The following MAP3K7 variants were observed in gnomAD, a reference collection of about 807,000 sequenced individuals.
MAP3K7 encodes the protein TGF-beta activated kinase 1.
In MAP3K7, 21 loss-of-function variants were observed where a neutral mutation model predicts 84.8. That is an observed-to-expected ratio of 0.25 (90% CI 0.18 to 0.36). The LOEUF (loss-of-function observed/expected upper bound fraction) is 0.36. MAP3K7 is among the 10% of genes least tolerant of loss of function. MAP3K7 has a pLI of 1.00. For synonymous variants in MAP3K7, 241 were observed against 247.7 expected, an observed-to-expected ratio of 0.97 and a Z score of 0.25; for missense variants, 503 against 747.7, an observed-to-expected ratio of 0.67 and a Z score of 3.82.
chr6:90,560,425 G>A (rs1198049369), intron 4 of MAP3K7, among the ~76,000 whole-genome samples: 1 of 152,050 alleles, frequency 6.6e-6, no homozygotes, highest in Admixed American at 6.6e-5. Flanking sequence ...GCAGTGGTGC[G>A]ATCTTGGCTC....
chr6:90,575,145 T>C (rs138364001), intron 1 of MAP3K7, among the ~76,000 whole-genome samples: 258 of 152,210 alleles, frequency 1.7e-3, no homozygotes, highest in Non-Finnish European at 8.8e-4. Context: ...TTTTTAAAAA[T>C]AGCATAAAGG....
At chr6:90,551,132 C>T (rs1226266490) in intron 8 of MAP3K7, 2 of 152,170 alleles carry the variant, frequency 1.3e-5, no homozygotes, top group African/African-American at 4.8e-5. Context: ...ACTACAGAGA[C>T]TAAGTTGTTT....
rs1775382216 is a variant in MAP3K7 at position 90,528,095 on chromosome 6, G to T, written c.1357-4312C>A. On this transcript the variant is annotated intron_variant, in intron 13 of 16. Transcript: ENST00000369329. The stretch of plus-strand genomic sequence containing the variant: ...GGGTTTCACCGTGTTAGCCAGAATG[G>T]TCTCGATCTCCTGACCTCGTGATCC... 1.3e-4 allele frequency among the ~76,000 whole-genome samples: 2 copies of T among 15,982 alleles called. 1 individual carries two copies. Among genetic ancestry groups the T allele is most frequent in the Non-Finnish European group, 2.9e-4 (2 of 6,922 alleles). The allele number at this position is 15,982 out of a possible 152,430, so 10.5% of individuals were successfully genotyped here. A position where few individuals can be genotyped will look rare whatever the true frequency, so the allele number is the denominator to read the frequency against.
rs961308265 is a variant in MAP3K7 at position 90,536,523 on chromosome 6, GA to G, written c.1292-123del. On this transcript the variant is annotated intron_variant, in intron 12 of 16. Transcript: ENST00000369329. Reference sequence around the variant, plus strand: ...TGGATCTACACAAAATGTTTGTGGGGAAAAAAAAGTGAGTTTATTGCTAAGA... The same window carrying G: ...TGGATCTACACAAAATGTTTGTGGGGAAAAAAAGTGAGTTTATTGCTAAGA... The G allele has an allele frequency of 9.4e-5, 57 of 603,324 alleles. 1 individual carries two copies. The highest frequency in any genetic ancestry group is 3.5e-4 in the Middle Eastern group (1 of 2,862). 37.4% of individuals were successfully genotyped at this position (603,324 alleles called of 1,614,324 possible). A position where few individuals can be genotyped will look rare whatever the true frequency, so the allele number is the denominator to read the frequency against.
At position 90,561,696 on chromosome 6, in the gene MAP3K7, A is replaced by G. The variant is rs566953140; in HGVS notation, c.298-29T>C. ...AAGGAAACATATATCAGAAGCATTA[A>G]CCAAGAAGCTCCATCATCTTAGGGC... is the stretch of plus-strand genomic sequence containing the variant. On this transcript the variant is annotated intron_variant, in intron 3 of 16. Transcript: ENST00000369329. 1.9e-6 allele frequency: 3 copies of G among 1,541,922 alleles called. No individual in the cohort carries two copies. The African/African-American group carries it at 4.1e-5, about 21-fold the overall frequency.
At chr6:90,552,286 G>T in intron 7 of MAP3K7, 107 bp from the exon 8 acceptor site, 2 of 1,035,380 alleles carry the variant, frequency 1.9e-6, no homozygotes, top group Non-Finnish European at 1.4e-6. Context: ...AGATCTTGTA[G>T]TTTAAGATCT....
In MAP3K7 at chr6:90,552,136, C is replaced by T. The variant is rs769321073; in HGVS notation, c.780G>A (p.Glu260=). 6.2e-7 allele frequency: 1 copy of T among 1,612,520 alleles called. No individual in the cohort carries two copies. Among genetic ancestry groups the T allele is most frequent in the East Asian group, 2.2e-5 (1 of 44,834 alleles). The change falls in exon 8 of 17, where the codon GAG becomes GAA. Residue 260 remains glutamate, a synonymous_variant. Transcript: ENST00000369329. ...PLIKNLPKPI[E]SLMTRCWSKD... ...TAGACCAACAACGAGTCATCAGGCTCTCAATGGGCTTAGGTAAATTTTTTA... is the reference window on the plus strand; with the variant it reads ...TAGACCAACAACGAGTCATCAGGCTTTCAATGGGCTTAGGTAAATTTTTTA...
intron 12 of MAP3K7, among the ~76,000 whole-genome samples, chr6:90,541,765 G>T (rs1343083714): frequency 6.6e-6 from 1 of 151,934 alleles, no homozygotes; most frequent in Admixed American, 6.6e-5. Flanking sequence ...ATTTTGAAGA[G>T]CGAGCAAAAA....
At chr6:90,553,207 C>T (rs1776234509) in intron 7 of MAP3K7, among the ~76,000 whole-genome samples, 1 of 152,086 alleles carries the variant, frequency 6.6e-6, no homozygotes, top group Non-Finnish European at 1.5e-5. Flanking sequence ...GTACTGATGG[C>T]CTTTCCCTAA....
intron 3 of MAP3K7, among the ~76,000 whole-genome samples, chr6:90,568,180 T>C (rs913909531): frequency 6.6e-6 from 1 of 152,154 alleles, no homozygotes. Context: ...AACCTGCACG[T>C]TGTGCACATG....
In MAP3K7 at chr6:90,544,652, C is replaced by G. The variant is rs755941456; in HGVS notation, c.1211-20G>C. 6 of 1,601,258 alleles carry G rather than the reference C, an allele frequency of 3.7e-6. No homozygotes were observed. Among genetic ancestry groups the G allele is most frequent in the Admixed American group, 1.7e-5 (1 of 59,780 alleles). ...AATAGGCTGCAAAAACACATATATACAGTATACATGCAAACAACCACAAAC... is the reference window on the plus strand; with the variant it reads ...AATAGGCTGCAAAAACACATATATAGAGTATACATGCAAACAACCACAAAC... On this transcript the variant is annotated intron_variant, in intron 11 of 16. Coordinates refer to ENST00000369329, the MANE Select transcript of MAP3K7 (RefSeq NM_145331.3).
chr6:90,523,036 G>A, intron 14 of MAP3K7, among the ~76,000 whole-genome samples: 1 of 152,054 alleles, frequency 6.6e-6, no homozygotes, highest in Non-Finnish European at 1.5e-5. Flanking sequence ...ATCATTTCCT[G>A]TTTGCCCATA....
intron 13 of MAP3K7, among the ~76,000 whole-genome samples, chr6:90,531,058 G>A (rs1775491241): frequency 6.6e-6 from 1 of 152,156 alleles, no homozygotes; most frequent in African/African-American, 2.4e-5. Context: ...AAAGTCACAA[G>A]AGTATAGAAA....
At chr6:90,564,969 A>G (rs1162767561) in intron 3 of MAP3K7, among the ~76,000 whole-genome samples, 2 of 152,230 alleles carry the variant, frequency 1.3e-5, no homozygotes, top group African/African-American at 2.4e-5. Context: ...CTGGGTACGT[A>G]ACGAAATGAA....
intron 4 of MAP3K7, among the ~76,000 whole-genome samples, chr6:90,561,298 G>A (rs1229821049): frequency 1.3e-5 from 2 of 151,768 alleles, no homozygotes. Context: ...ATTCTAAAAT[G>A]AGGAGGCTCA....
At chr6:90,539,240 C>G (rs1214903836) in intron 12 of MAP3K7, among the ~76,000 whole-genome samples, 1 of 151,810 alleles carries the variant, frequency 6.6e-6, no homozygotes, top group African/African-American at 2.4e-5. Context: ...AATAAACCAG[C>G]TTTATTAGCT....
chr6:90,563,065 C>T (rs535087656), intron 3 of MAP3K7, among the ~76,000 whole-genome samples: 3 of 152,266 alleles, frequency 2.0e-5, no homozygotes, highest in South Asian at 2.1e-4. Flanking sequence ...ATCAAAACCC[C>T]ATCTGTATGT....
At chr6:90,586,682 G>A (rs1375067619) in intron 1 of MAP3K7, 82 bp downstream of exon 1, 6 of 1,511,016 alleles carry the variant, frequency 4.0e-6, no homozygotes, top group African/African-American at 1.4e-5. Flanking sequence ...GGGGCCCCGG[G>A]AGGCACCTTC....
At chr6:90,575,025 C>T (rs1200005306) in intron 1 of MAP3K7, among the ~76,000 whole-genome samples, 1 of 152,014 alleles carries the variant, frequency 6.6e-6, no homozygotes, top group Non-Finnish European at 1.5e-5. Context: ...GTTGTACTGA[C>T]CTGAAATACA....
Sources: gnomAD v4.1 joint callset for allele counts (sites outside exome capture counted in the v4.1 genomes callset) on GRCh38, gnomAD v4.1.1 for gene constraint, MANE v1.5 for transcripts, NCBI Gene and HGNC (gene_info 2026-07-23, HGNC 2026-07-21) for gene names.